RFX4: variants seen among roughly 807,000 people sequenced by gnomAD.
The protein encoded by RFX4 is transcription factor RFX4.
A neutral mutation model predicts 95.0 loss-of-function variants in RFX4; 10 were observed. The observed-to-expected ratio is 0.11, with a 90% CI of 0.06 to 0.18. The LOEUF (loss-of-function observed/expected upper bound fraction) is 0.18, where lower values mean the gene tolerates loss of function less well. Ranked by LOEUF, RFX4 falls within the 10% of genes least tolerant of loss-of-function variation. RFX4 has a pLI of 1.00. For missense variants in RFX4, 640 were observed against 922.0 expected, an observed-to-expected ratio of 0.69 and a Z score of 3.96; for synonymous variants, 321 against 340.7, an observed-to-expected ratio of 0.94 and a Z score of 0.64.
intron 4 of RFX4, among the ~76,000 whole-genome samples, chr12:106,657,383 T>G (rs974296679): frequency 2.0e-5 from 3 of 152,170 alleles, no homozygotes; most frequent in Non-Finnish European, 4.4e-5. Flanking sequence ...ACAACCAGGG[T>G]GACCTGGTTG....
chr12:106,670,073 C>T (rs1214882594), intron 4 of RFX4, among the ~76,000 whole-genome samples: 1 of 152,146 alleles, frequency 6.6e-6, no homozygotes, highest in Non-Finnish European at 1.5e-5. Context: ...AAAAGGGCTA[C>T]TTAGCACAGA....
intron 13 of RFX4, among the ~76,000 whole-genome samples, chr12:106,731,718 T>C (rs919298780): frequency 3.9e-5 from 6 of 152,288 alleles, no homozygotes; most frequent in Non-Finnish European, 5.9e-5. Flanking sequence ...TAAAGTCCAA[T>C]TGGGGGAATA....
At chr12:106,683,469 A>G (rs2041566732) in intron 5 of RFX4, 5 of 79,048 alleles carry the variant, frequency 6.3e-5, no homozygotes, top group African/African-American at 3.2e-4. Flanking sequence ...CTATTCTGAA[A>G]AAAAAAAAAA....
intron 15 of RFX4, among the ~76,000 whole-genome samples, chr12:106,744,216 A>G (rs2042854363): frequency 6.6e-6 from 1 of 152,220 alleles, no homozygotes; most frequent in Admixed American, 6.5e-5. Flanking sequence ...GTACTTATAA[A>G]TCAAGCCTAA....
At chr12:106,759,759 C>T (rs1380436195) in intron 17 of RFX4, among the ~76,000 whole-genome samples, 1 of 152,154 alleles carries the variant, frequency 6.6e-6, no homozygotes, top group Non-Finnish European at 1.5e-5. Context: ...ACACCACCTA[C>T]GCCCTTCTCC....
chr12:106,597,794 A>G (rs1469358141), intron 1 of RFX4, among the ~76,000 whole-genome samples: 1 of 152,140 alleles, frequency 6.6e-6, no homozygotes, highest in Non-Finnish European at 1.5e-5. Flanking sequence ...CTGGAATTTG[A>G]GGCTGTGGTG....
chr12:106,745,294 T>G (rs923960867), intron 15 of RFX4, among the ~76,000 whole-genome samples: 14 of 152,212 alleles, frequency 9.2e-5, no homozygotes, highest in African/African-American at 3.4e-4. Context: ...TGACAAGCAC[T>G]CAGCACAGTG....
chr12:106,637,210 C>G (rs2040531389), intron 2 of RFX4, among the ~76,000 whole-genome samples: 1 of 152,136 alleles, frequency 6.6e-6, no homozygotes, highest in Non-Finnish European at 1.5e-5. Context: ...ACAATCCCCT[C>G]TAAACTGGCG....
chr12:106,631,940 G>A (rs542006703), intron 2 of RFX4, among the ~76,000 whole-genome samples: 25 of 152,148 alleles, frequency 1.6e-4, no homozygotes, highest in Non-Finnish European at 3.4e-4. Flanking sequence ...ATAGGAGCAG[G>A]GAACACTTAG....
intron 3 of RFX4, among the ~76,000 whole-genome samples, chr12:106,642,932 C>G (rs982140316): frequency 2.6e-5 from 4 of 152,212 alleles, no homozygotes; most frequent in African/African-American, 9.6e-5. Context: ...TGCGCCCAGC[C>G]TCCACGCCCA....
rs552956298 is a variant in RFX4 at position 106,685,452 on chromosome 12, A to G, written c.378-1432A>G. 1.4e-4 allele frequency among the ~76,000 whole-genome samples: 22 copies of G among 152,190 alleles called. 1 individual carries two copies. The highest frequency in any genetic ancestry group is 5.1e-4 in the African/African-American group (21 of 41,526). ...GGGGATAATAATTAATTCTAGCTTT[A>G]TGGGGATTTTGTGAGATTAAATAAG... On this transcript the variant is annotated intron_variant, in intron 5 of 17. Transcript: ENST00000392842.
chr12:106,722,542 G>A (rs1420564545), intron 13 of RFX4, among the ~76,000 whole-genome samples: 1 of 152,206 alleles, frequency 6.6e-6, no homozygotes, highest in Non-Finnish European at 1.5e-5. Flanking sequence ...TCCTTGAAAT[G>A]TGTTTCTTTT....
At chr12:106,648,243 G>A (rs2040787332) in intron 3 of RFX4, among the ~76,000 whole-genome samples, 1 of 152,220 alleles carries the variant, frequency 6.6e-6, no homozygotes, top group African/African-American at 2.4e-5. Context: ...GGAACACGGT[G>A]GAGGAGGTCA....
chr12:106,698,781 G>A (rs1311820635), intron 8 of RFX4, among the ~76,000 whole-genome samples: 5 of 151,238 alleles, frequency 3.3e-5, no homozygotes, highest in South Asian at 2.1e-4. Flanking sequence ...TCTCATTCCC[G>A]ATGTAGGTAA....
rs866033333 is a variant in RFX4, at chr12:106,762,409, G to A, written c.*940G>A. 15 of 152,560 alleles carry A rather than the reference G, an allele frequency of 9.8e-5. No homozygotes were observed. The highest frequency in any genetic ancestry group is 1.9e-4 in the East Asian group (1 of 5,172). 9.5% of individuals were successfully genotyped at this position (152,560 alleles called of 1,614,324 possible). On this transcript the variant is annotated 3_prime_UTR_variant, in exon 18 of 18. Transcript: ENST00000392842. Reference sequence around the variant, plus strand: ...CCTTCATAAAACTATAATAATATCCGACACTTTGATAGAAAAAAATTCAAA... The same window carrying A: ...CCTTCATAAAACTATAATAATATCCAACACTTTGATAGAAAAAAATTCAAA...
chr12:106,757,626 G>A (rs555083348), intron 17 of RFX4, among the ~76,000 whole-genome samples: 1 of 151,742 alleles, frequency 6.6e-6, no homozygotes, highest in Admixed American at 6.6e-5. Flanking sequence ...TTCTCCAGAA[G>A]AAGCTAAGAG....
At chr12:106,706,520 G>A (rs1228955570) in intron 8 of RFX4, among the ~76,000 whole-genome samples, 1 of 152,132 alleles carries the variant, frequency 6.6e-6, no homozygotes, top group Non-Finnish European at 1.5e-5. Flanking sequence ...TGTGGTAAAG[G>A]GAAAGAGAGA....
intron 5 of RFX4, 33 bp from the exon 6 acceptor site, chr12:106,686,851 T>A: frequency 6.8e-7 from 1 of 1,479,184 alleles, no homozygotes; most frequent in Non-Finnish European, 9.0e-7. Flanking sequence ...TTTTTTTTTT[T>A]TCTCTCTCTC....
At chr12:106,752,387 A>T (rs1035181910) in intron 17 of RFX4, among the ~76,000 whole-genome samples, 1 of 152,106 alleles carries the variant, frequency 6.6e-6, no homozygotes, top group Non-Finnish European at 1.5e-5. Context: ...TGGCTGGCCC[A>T]CAGTGGGTGC....
Sources: gnomAD v4.1 joint callset for allele counts (sites outside exome capture counted in the v4.1 genomes callset) on GRCh38, gnomAD v4.1.1 for gene constraint, MANE v1.5 for transcripts, NCBI Gene and HGNC (gene_info 2026-07-23, HGNC 2026-07-21) for gene names.